Variants in TMEM237 observed in about 807,000 individuals in gnomAD.
TMEM237 encodes transmembrane protein 237.
Under a neutral mutation model 59.1 loss-of-function variants are expected in TMEM237, and 51 were observed. The observed-to-expected ratio is 0.86, with a 90% CI of 0.69 to 1.09. The LOEUF (loss-of-function observed/expected upper bound fraction) is 1.09, where lower values mean the gene tolerates loss of function less well. Among genes scored for constraint, TMEM237 ranks in the 50% least tolerant of loss-of-function variants. The pLI is 0.00. For missense variants in TMEM237, 475 were observed against 478.3 expected (o/e 0.99, Z 0.06); for synonymous variants, 140 against 166.1 (o/e 0.84, Z 1.21).
chr2:201,632,092 C>T lies in TMEM237; in HGVS notation c.512G>A (p.Gly171Asp). 1.2e-6 allele frequency: 2 copies of T among 1,613,868 alleles called. No homozygotes were observed. The highest frequency in any genetic ancestry group is 1.7e-6 in the Non-Finnish European group (2 of 1,179,818). Residue 171 changes from glycine to aspartate, a missense_variant, in exon 7 of 13, where the codon GGC (glycine) becomes GAC (aspartate). Gly to Asp is a moderately conservative substitution (Grantham distance 94). Coordinates refer to ENST00000409883, the MANE Select transcript of TMEM237 (RefSeq NM_001044385.3). ...EQQSVFTAPT[G>D]ISQPVGKVFV... ...TACTTTGCCTACAGGCTGGCTAATG[C>T]CAGTGGGTGCAGTGAATACAGACTG...
chr2:201,636,516 C>T (rs1687299121), intron 5 of TMEM237: 2 of 433,442 alleles, frequency 4.6e-6, no homozygotes, highest in East Asian at 4.3e-5. Flanking sequence ...CTGTTTAGTC[C>T]TGTATTTGTT....
intron 6 of TMEM237, among the ~76,000 whole-genome samples, 161 bp downstream of exon 6, chr2:201,633,150 T>C (rs1687212920): frequency 3.3e-5 from 5 of 152,216 alleles, no homozygotes; most frequent in Admixed American, 2.0e-4. Flanking sequence ...CTGAAATTTA[T>C]CATTCGATTG....
rs1687467005 is a variant in TMEM237, at chr2:201,643,191, G to C, written c.42+168C>G. Among the ~76,000 whole-genome samples, 1 of 152,094 alleles carries C rather than the reference G, an allele frequency of 6.6e-6. No homozygotes were observed. Among genetic ancestry groups the C allele is most frequent in the African/African-American group, 2.4e-5 (1 of 41,426 alleles). On this transcript the variant is annotated intron_variant, in intron 1 of 12. Coordinates refer to ENST00000409883, the MANE Select transcript of TMEM237 (RefSeq NM_001044385.3). The surrounding 1 kb of genome is among the most constrained non-coding windows in gnomAD (Gnocchi z 4.3). ...CGGTCCCGGCCTCGCCTGCGTCTCC[G>C]TCCCATTCCTGTGAACACTGGAGGG...
chr2:201,632,252 T>G, intron 6 of TMEM237, 44 bp from the exon 7 acceptor site: 2 of 1,603,630 alleles, frequency 1.2e-6, no homozygotes, highest in Non-Finnish European at 1.7e-6. Flanking sequence ...ATTATTGAAT[T>G]TTTTACAGAC....
At chr2:201,640,151 A>G (rs999810306) in intron 3 of TMEM237, 110 bp downstream of exon 3, 15 of 851,124 alleles carry the variant, frequency 1.8e-5, no homozygotes, top group Non-Finnish European at 2.6e-5. Context: ...ACAAAAACAT[A>G]TTGTAGAATT....
Position 201,643,292 on chromosome 2 carries a change from A to AAC in TMEM237, c.42+66_42+67insGT. On this transcript the variant is annotated intron_variant, in intron 1 of 12. Coordinates refer to ENST00000409883, the MANE Select transcript of TMEM237 (RefSeq NM_001044385.3). This position sits in a 1 kb window ranked among gnomAD's most constrained non-coding sequence, Gnocchi z 4.3. ...CGTTGGCGCCCCCCCACACACACCC[A>AAC]CCCCCACTGCCAAGTGTAGCTGTTT... 1.2e-6 allele frequency: 1 copy of AAC among 851,150 alleles called. No homozygotes were observed. The highest frequency in any genetic ancestry group is 1.7e-6 in the Non-Finnish European group (1 of 573,932). The allele number at this position is 851,150 out of a possible 1,614,324, so 52.7% of individuals were successfully genotyped here.
At position 201,643,349 on chromosome 2, in the gene TMEM237, C is replaced by T. The variant is rs2105906060; in HGVS notation, c.42+10G>A. ...CACCTCTCGAGGCCGACGCGCCCCT[C>T]GCCGCTCACCAGGTGGCCCTCCTCC... On this transcript the variant is annotated intron_variant, in intron 1 of 12. Transcript: ENST00000409883. This position sits in a 1 kb window ranked among gnomAD's most constrained non-coding sequence, Gnocchi z 4.3. The T allele has an allele frequency of 6.5e-7, 1 of 1,546,886 alleles. No homozygotes were observed. The highest frequency in any genetic ancestry group is 2.5e-5 in the East Asian group (1 of 40,254).
At position 201,623,249 on chromosome 2, in the gene TMEM237, T is replaced by C; in HGVS notation, c.*1006A>G. 1 of 433,478 alleles carries C rather than the reference T, an allele frequency of 2.3e-6. No homozygotes were observed. Among genetic ancestry groups the C allele is most frequent in the Non-Finnish European group, 4.7e-6 (1 of 214,616 alleles). The allele number at this position is 433,478 out of a possible 1,614,324, so 26.9% of individuals were successfully genotyped here. A position where few individuals can be genotyped will look rare whatever the true frequency, so the allele number is the denominator to read the frequency against. On this transcript the variant is annotated 3_prime_UTR_variant, in exon 13 of 13. Coordinates refer to ENST00000409883, the MANE Select transcript of TMEM237 (RefSeq NM_001044385.3). The stretch of plus-strand genomic sequence containing the variant: ...TTTTATTGATGTGCTCAACAGCCTT[T>C]GAAACATTTTTTCCCATAGCTAGTC...
chr2:201,626,115 G>C lies in TMEM237; in HGVS notation c.1070C>G (p.Pro357Arg). 6.2e-7 allele frequency: 1 copy of C among 1,610,632 alleles called. No individual in the cohort carries two copies. Among genetic ancestry groups the C allele is most frequent in the Non-Finnish European group, 8.5e-7 (1 of 1,178,406 alleles). ...CACCACGAGATTCACCACAATCCAT[G>C]GCTGGAGAATCTGTTCCTCAATTCC... ...EAGIEEQILQPWIVVNLVVAL... is the reference protein window; with the variant it reads ...EAGIEEQILQRWIVVNLVVAL... Residue 357 changes from proline to arginine, a missense_variant, in exon 12 of 13, where the codon CCA becomes CGA. Transcript: ENST00000409883.
intron 1 of TMEM237, chr2:201,642,574 A>C: frequency 1.9e-6 from 3 of 1,600,714 alleles, no homozygotes; most frequent in Non-Finnish European, 2.6e-6. Flanking sequence ...GAAGACAAAA[A>C]TCCTAACAAT....
intron 1 of TMEM237, among the ~76,000 whole-genome samples, chr2:201,642,138 G>T (rs1687438115): frequency 6.6e-6 from 1 of 152,226 alleles, no homozygotes; most frequent in Non-Finnish European, 1.5e-5. Context: ...AAAAGTGTTT[G>T]TAGTTCAGAC....
At chr2:201,640,308 A>G (rs2105904126) in intron 2 of TMEM237, 43 bp from the exon 3 acceptor site, 2 of 1,525,320 alleles carry the variant, frequency 1.3e-6, no homozygotes, top group East Asian at 4.7e-5. Flanking sequence ...TCAGCAGGAC[A>G]AAGACAAAAA....
chr2:201,627,175 A>C (rs561603231), intron 11 of TMEM237, 146 bp downstream of exon 11: 3 of 582,678 alleles, frequency 5.1e-6, no homozygotes, highest in Non-Finnish European at 9.1e-6. Context: ...ATAGTTACCC[A>C]TTAACCAAAG....
At position 201,624,234 on chromosome 2, in the gene TMEM237, T is replaced by TC; in HGVS notation, c.*20dup. On this transcript the variant is annotated 3_prime_UTR_variant, in exon 13 of 13. Transcript: ENST00000409883. ...AATGGGACAAATACTGGGTCATTATTCCTCCAAAGGTGAGCTGGTATTATG... is the reference window on the plus strand; with the variant it reads ...AATGGGACAAATACTGGGTCATTATTCCCTCCAAAGGTGAGCTGGTATTATG... The TC allele has an allele frequency of 6.3e-7, 1 of 1,598,014 alleles. No homozygotes were observed. The highest frequency in any genetic ancestry group is 8.6e-7 in the Non-Finnish European group (1 of 1,167,706).
chr2:201,625,080 T>C (rs756910749), intron 12 of TMEM237, among the ~76,000 whole-genome samples: 21 of 152,168 alleles, frequency 1.4e-4, no homozygotes, highest in Admixed American at 3.3e-4. Flanking sequence ...TAAAAGATGT[T>C]TGGCCAGGCG....
rs1357401513 is a variant in TMEM237, at chr2:201,635,868, A to C, written c.274+880T>G. Among the ~76,000 whole-genome samples the C allele has an allele frequency of 1.3e-5, 2 of 152,212 alleles. No individual in the cohort carries two copies. Among genetic ancestry groups the C allele is most frequent in the Admixed American group, 6.5e-5 (1 of 15,284 alleles). ...AACTTGATTTTGGACTTCTCACCTAAGAACTATGAAAAAATAAACTGTTGT... is the reference window on the plus strand; with the variant it reads ...AACTTGATTTTGGACTTCTCACCTACGAACTATGAAAAAATAAACTGTTGT... On this transcript the variant is annotated intron_variant, in intron 5 of 12. Transcript: ENST00000409883. This position sits in a 1 kb window ranked among gnomAD's most constrained non-coding sequence, Gnocchi z 4.5.
At chr2:201,624,725 G>A (rs949936804) in intron 12 of TMEM237, among the ~76,000 whole-genome samples, 2 of 152,136 alleles carry the variant, frequency 1.3e-5, no homozygotes, top group African/African-American at 4.8e-5. Flanking sequence ...ATGTGTGCCA[G>A]GATATTTTAA....
chr2:201,638,796 C>T, intron 4 of TMEM237, 193 bp downstream of exon 4: 1 of 614,004 alleles, frequency 1.6e-6, no homozygotes, highest in Non-Finnish European at 2.9e-6. Flanking sequence ...TCCAGATACT[C>T]CTCAGGCTGC....
Position 201,622,164 on chromosome 2 carries a change from A to T in TMEM237, c.*2091T>A, listed in dbSNP as rs1021113678. 3.3e-5 allele frequency: 5 copies of T among 152,240 alleles called. No homozygotes were observed. The highest frequency in any genetic ancestry group is 4.8e-5 in the African/African-American group (2 of 41,460). 9.4% of individuals were successfully genotyped at this position (152,240 alleles called of 1,614,324 possible). ...CCCAGACCTGGAAGAATACAAAGGC[A>T]ACTATGCCCATGGCAGTTACATATT... On this transcript the variant is annotated 3_prime_UTR_variant, in exon 13 of 13. Transcript: ENST00000409883.
Sources: gnomAD v4.1 joint callset for allele counts (sites outside exome capture counted in the v4.1 genomes callset) on GRCh38, gnomAD v4.1.1 for gene constraint, Gnocchi (gnomAD v3.1) non-coding constraint, MANE v1.5 for transcripts, NCBI Gene and HGNC (gene_info 2026-07-23, HGNC 2026-07-21) for gene names.